ESR2: variants seen among roughly 807,000 people sequenced by gnomAD.
ESR2 encodes the protein estrogen receptor 2.
A neutral mutation model predicts 49.6 loss-of-function variants in ESR2; 36 were observed. The ratio of observed to expected loss-of-function variants is 0.73; its 90% CI spans 0.56 to 0.96. ESR2 has a LOEUF of 0.96. Ranked by LOEUF, ESR2 falls within the 40% of genes least tolerant of loss-of-function variation. The pLI is 0.00. For synonymous variants in ESR2, 320 were observed against 266.1 expected (o/e 1.20, Z -1.97); for missense variants, 714 against 693.0 (o/e 1.03, Z -0.34).
upstream of ESR2, among the ~76,000 whole-genome samples, chr14:64,294,968 G>C (rs796736891): frequency 6.6e-6 from 1 of 152,180 alleles, no homozygotes; most frequent in African/African-American, 2.4e-5. Flanking sequence ...CTCCGGCCAC[G>C]GCGCCCTTCT....
chr14:64,256,807 G>A (rs12435857), intron 6 of ESR2, among the ~76,000 whole-genome samples: 61,362 of 151,952 alleles, frequency 0.4, 12,618 homozygotes, highest in Non-Finnish European at 0.44. Flanking sequence ...AATAAACTTG[G>A]CACATTTCTA....
chr14:64,302,523 C>T (rs941231443), intron 1 of ESR2, among the ~76,000 whole-genome samples: 2 of 151,892 alleles, frequency 1.3e-5, no homozygotes, highest in South Asian at 2.1e-4. Flanking sequence ...AGATTCCCAG[C>T]CCCCTCCCCC....
intron 1 of ESR2, among the ~76,000 whole-genome samples, chr14:64,323,823 T>C (rs1191884951): frequency 6.6e-6 from 1 of 151,864 alleles, no homozygotes; most frequent in Non-Finnish European, 1.5e-5. Context: ...TCCCAAGTAG[T>C]TGGGATTACA....
chr14:64,281,311 G>C (rs898200453), intron 2 of ESR2, among the ~76,000 whole-genome samples: 9 of 152,148 alleles, frequency 5.9e-5, no homozygotes, highest in Non-Finnish European at 1.0e-4. Context: ...GGTTCTTTTG[G>C]AAAGGGAATG....
At chr14:64,257,871 C>T (rs1000475655) in intron 5 of ESR2, among the ~76,000 whole-genome samples, 5 of 152,154 alleles carry the variant, frequency 3.3e-5, no homozygotes, top group Admixed American at 3.3e-4. Flanking sequence ...ATTAAAATTT[C>T]CTATCCAGTG....
In ESR2 at chr14:64,242,458, A is replaced by G. The variant is rs566178901; in HGVS notation, c.1225+7088T>C. ...AAACAAACAAACAAAAAAAATATAT[A>G]TATATATATAAAATCATATGGTTTT... On this transcript the variant is annotated intron_variant, in intron 7 of 8. Coordinates refer to ENST00000341099, the MANE Select transcript of ESR2 (RefSeq NM_001437.3). 5.5e-3 allele frequency among the ~76,000 whole-genome samples: 823 copies of G among 149,820 alleles called. 9 individuals are homozygous for G. The highest frequency in any genetic ancestry group is 0.019 in the African/African-American group (790 of 41,094).
intron 7 of ESR2, among the ~76,000 whole-genome samples, chr14:64,237,367 A>C (rs2075626238): frequency 6.6e-6 from 1 of 152,168 alleles, no homozygotes. Flanking sequence ...TACAGAGAAA[A>C]TTATTTCAAG....
chr14:64,304,367 A>C (rs959024219), intron 1 of ESR2, among the ~76,000 whole-genome samples: 3 of 152,204 alleles, frequency 2.0e-5, no homozygotes, highest in Admixed American at 2.0e-4. Flanking sequence ...ATTCCAAGAA[A>C]GAATACTTTA....
At chr14:64,320,528 T>C (rs370254890) in intron 1 of ESR2, among the ~76,000 whole-genome samples, 1 of 152,204 alleles carries the variant, frequency 6.6e-6, no homozygotes, top group Non-Finnish European at 1.5e-5. Flanking sequence ...CTTGTAATTA[T>C]ACACTTTTCA....
chr14:64,318,814 A>G (rs891357316), intron 1 of ESR2, among the ~76,000 whole-genome samples: 2 of 152,080 alleles, frequency 1.3e-5, no homozygotes, highest in African/African-American at 4.8e-5. Flanking sequence ...AGGCCAAGGC[A>G]GGCAGATTGC....
intron 7 of ESR2, among the ~76,000 whole-genome samples, chr14:64,243,612 T>C (rs953109725): frequency 6.6e-6 from 1 of 152,222 alleles, no homozygotes; most frequent in African/African-American, 2.4e-5. Flanking sequence ...CTTTTTTGTT[T>C]GGTAGGATCA....
rs2075944808 is a variant in ESR2 at position 64,249,549 on chromosome 14, A to T, written c.1222T>A (p.Ser408Thr). The T allele has an allele frequency of 1.9e-6, 3 of 1,613,426 alleles. No individual in the cohort carries two copies. The highest frequency in any genetic ancestry group is 2.5e-6 in the Non-Finnish European group (3 of 1,179,852). ...LCVKAMILLN[S>T]SMYPLVTATQ... The stretch of plus-strand genomic sequence containing the variant: ...GCCCAGCTGTGTGATTACTTACTGG[A>T]ATTGAGCAGGATCATGGCCTTGACA... Residue 408 changes from serine (S) to threonine (T), a missense_variant, in exon 7 of 9, where the codon TCC (serine) becomes ACC (threonine). Transcript: ENST00000341099.
At chr14:64,282,311 C>G (rs1193497445) in intron 2 of ESR2, among the ~76,000 whole-genome samples, 2 of 152,194 alleles carry the variant, frequency 1.3e-5, no homozygotes, top group Non-Finnish European at 2.9e-5. Flanking sequence ...TGCCATTATA[C>G]TCCAGTCTGA....
rs1225775813 is a variant in ESR2, at chr14:64,240,874, G to A, written c.1226-5724C>T. Among the ~76,000 whole-genome samples the A allele has an allele frequency of 2.0e-5, 3 of 152,082 alleles. No homozygotes were observed. In the East Asian group the frequency reaches 5.8e-4, roughly 29 times the overall value. On this transcript the variant is annotated intron_variant, in intron 7 of 8. Transcript: ENST00000341099. ...AGATAGGCTAGGCTGGCCGGGCGCG[G>A]TGGCTCACGCTTGTAATCCCAGCAC...
At chr14:64,320,741 CAAAATT>C (rs140466686) in intron 1 of ESR2, among the ~76,000 whole-genome samples, 3,224 of 151,836 alleles carry the variant, frequency 0.021, 93 homozygotes, top group African/African-American at 0.073. Flanking sequence ...AAAAAAAGTA[CAAAATT>C]AGTCGGGTGT....
chr14:64,227,281 A>G, downstream of ESR2: 1 of 512,390 alleles, frequency 2.0e-6, no homozygotes, highest in Non-Finnish European at 3.4e-6. Context: ...CTCATGGGTG[A>G]GACATCTGCA....
At chr14:64,321,585 T>C (rs926705415) in intron 1 of ESR2, among the ~76,000 whole-genome samples, 1 of 152,226 alleles carries the variant, frequency 6.6e-6, no homozygotes, top group African/African-American at 2.4e-5. Context: ...TGGACCATTA[T>C]GTCCCCAATG....
intron 1 of ESR2, among the ~76,000 whole-genome samples, chr14:64,317,449 A>G (rs931767138): frequency 5.3e-5 from 8 of 152,206 alleles, no homozygotes; most frequent in Admixed American, 1.3e-4. Flanking sequence ...ACCTGACAGC[A>G]TATCACATAA....
intron 1 of ESR2, among the ~76,000 whole-genome samples, chr14:64,299,768 C>T (rs12436302): frequency 0.016 from 2,424 of 152,220 alleles, 67 homozygotes; most frequent in East Asian, 0.087. Flanking sequence ...AGAAAGGAAT[C>T]GTTTTCTTCT....
Sources: gnomAD v4.1 joint callset for allele counts (sites outside exome capture counted in the v4.1 genomes callset) on GRCh38, gnomAD v4.1.1 for gene constraint, MANE v1.5 for transcripts, NCBI Gene and HGNC (gene_info 2026-07-23, HGNC 2026-07-21) for gene names.